PRIM2: variants seen among roughly 807,000 people sequenced by gnomAD.
The protein encoded by PRIM2 is DNA primase subunit 2, also known as DNA primase large subunit.
PRIM2 carries 39 observed loss-of-function variants against 67.3 expected under a neutral mutation model. The observed-to-expected ratio is 0.58, with a 90% confidence interval of 0.45 to 0.76. The LOEUF is 0.76. PRIM2 is among the 30% of genes least tolerant of loss of function. The pLI is 0.00. For missense variants in PRIM2, 398 were observed against 598.7 expected (o/e 0.66, Z 3.50); for synonymous variants, 143 against 198.7 (o/e 0.72, Z 2.36).
chr6:57,226,615 T>C, the PRIM2 span, among the ~76,000 whole-genome samples: 124 of 152,336 alleles, frequency 8.1e-4, no homozygotes, highest in Non-Finnish European at 1.7e-3. Context: ...GAGGATTTTT[T>C]AGTGCACAGA....
chr6:57,645,339 A>ACG (rs1777316706), intron 13 of PRIM2, among the ~76,000 whole-genome samples: 1 of 149,658 alleles, frequency 6.7e-6, no homozygotes, highest in African/African-American at 2.5e-5. Flanking sequence ...ACACACACAC[A>ACG]CACACACACA....
chr6:57,606,248 A>G lies in PRIM2; in HGVS notation c.1148-127A>G, dbSNP rs1293999652. Reference sequence around the variant, plus strand: ...AGGAAAGCAGTTGCACCCATGGGCAATTACCTTTTTTTATTAATAAGCTGT... The same window carrying G: ...AGGAAAGCAGTTGCACCCATGGGCAGTTACCTTTTTTTATTAATAAGCTGT... On this transcript the variant is annotated intron_variant, in intron 11 of 13. Transcript: ENST00000615550. The G allele has an allele frequency of 5.1e-5, 35 of 691,256 alleles. No homozygotes were observed. In the South Asian group the frequency reaches 5.7e-4, roughly 11 times the overall value. The allele number at this position is 691,256 out of a possible 1,614,324, so 42.8% of individuals were successfully genotyped here. A position where few individuals can be genotyped will look rare whatever the true frequency, so the allele number is the denominator to read the frequency against.
chr6:57,492,554 AT>A (rs1175780084), intron 7 of PRIM2, among the ~76,000 whole-genome samples: 3,240 of 150,462 alleles, frequency 0.022, 99 homozygotes, highest in African/African-American at 0.067. Flanking sequence ...AAAAAAAAAA[AT>A]AAATAAATAA....
At chr6:57,322,623 G>A (rs4715653) in intron 3 of PRIM2, among the ~76,000 whole-genome samples, 62,558 of 151,926 alleles carry the variant, frequency 0.41, 13,643 homozygotes, top group South Asian at 0.56. Flanking sequence ...GTTTCCTGAG[G>A]TCTCCCCAGC....
chr6:57,569,987 C>T (rs2127481134), intron 10 of PRIM2, among the ~76,000 whole-genome samples: 1 of 152,272 alleles, frequency 6.6e-6, no homozygotes, highest in East Asian at 1.9e-4. Flanking sequence ...CATGATCCGC[C>T]CGCCTTGGCC....
intron 10 of PRIM2, among the ~76,000 whole-genome samples, chr6:57,574,279 A>C (rs1775921227): frequency 6.6e-6 from 1 of 152,190 alleles, no homozygotes; most frequent in African/African-American, 2.4e-5. Flanking sequence ...AGACCTCTAG[A>C]GGGTACTTAA....
chr6:57,617,255 T>G (rs1476072832), intron 12 of PRIM2, among the ~76,000 whole-genome samples: 1 of 152,232 alleles, frequency 6.6e-6, no homozygotes, highest in Non-Finnish European at 1.5e-5. Context: ...CCATCTTTGC[T>G]CTGTGCATTC....
At position 57,388,298 on chromosome 6, in the gene PRIM2, G is replaced by A. The variant is rs9296876; in HGVS notation, c.693+6130G>A. Among the ~76,000 whole-genome samples the A allele has an allele frequency of 7.3e-4, 111 of 152,294 alleles. 2 individuals are homozygous for A. In the East Asian group the frequency reaches 0.019, roughly 26 times the overall value. ...TGGAGGATAAAAAAGGAATGGAAGC[G>A]GGAGGACTAGTCTGGAAGTTTTCAC... On this transcript the variant is annotated intron_variant, in intron 7 of 13. Transcript: ENST00000615550.
intron 8 of PRIM2, among the ~76,000 whole-genome samples, chr6:57,526,482 A>T (rs1470787829): frequency 6.6e-6 from 1 of 152,134 alleles, no homozygotes; most frequent in African/African-American, 2.4e-5. Context: ...TCAAATTCAG[A>T]TTTTTCAAGA....
At chr6:57,498,440 TAATA>T (rs1436066414) in intron 7 of PRIM2, among the ~76,000 whole-genome samples, 7 of 152,198 alleles carry the variant, frequency 4.6e-5, no homozygotes, top group African/African-American at 1.7e-4. Flanking sequence ...TCATTTTACA[TAATA>T]AATAATATTT....
chr6:57,332,343 ATTC>A (rs1768080525), intron 5 of PRIM2, among the ~76,000 whole-genome samples: 1 of 152,064 alleles, frequency 6.6e-6, no homozygotes, highest in Non-Finnish European at 1.5e-5. Context: ...TGTATCTGCT[ATTC>A]TTGGTTGGAG....
chr6:57,249,081 A>G, the PRIM2 span, among the ~76,000 whole-genome samples: 251 of 152,330 alleles, frequency 1.6e-3, no homozygotes, highest in African/African-American at 5.8e-3. Flanking sequence ...CCATGATCAC[A>G]GGACAATTAT....
intron 11 of PRIM2, among the ~76,000 whole-genome samples, chr6:57,604,261 G>T (rs1776522366): frequency 6.6e-6 from 1 of 152,166 alleles, no homozygotes. Flanking sequence ...CCAGGTGACA[G>T]AGTGAGACTC....
chr6:57,609,460 G>C (rs1403356165), intron 12 of PRIM2, among the ~76,000 whole-genome samples: 1 of 152,110 alleles, frequency 6.6e-6, no homozygotes, highest in Non-Finnish European at 1.5e-5. Context: ...AAATGTGATA[G>C]GGAATCTAGA....
chr6:57,255,707 A>G, the PRIM2 span, among the ~76,000 whole-genome samples: 2 of 152,046 alleles, frequency 1.3e-5, no homozygotes, highest in African/African-American at 2.4e-5. Flanking sequence ...ATAATACAGA[A>G]ATTCGTGAAC....
At chr6:57,401,185 G>A (rs1770694747) in intron 7 of PRIM2, among the ~76,000 whole-genome samples, 2 of 152,144 alleles carry the variant, frequency 1.3e-5, no homozygotes, top group African/African-American at 4.8e-5. Flanking sequence ...GGTCATTTGA[G>A]TTATTGGAGT....
At chr6:57,608,378 A>G (rs1373901185) in intron 12 of PRIM2, among the ~76,000 whole-genome samples, 1 of 152,216 alleles carries the variant, frequency 6.6e-6, no homozygotes, top group African/African-American at 2.4e-5. Context: ...GGTGGAAACC[A>G]AAAGCAAGAT....
At chr6:57,239,731 G>A in the PRIM2 span, among the ~76,000 whole-genome samples, 1 of 152,124 alleles carries the variant, frequency 6.6e-6, no homozygotes, top group African/African-American at 2.4e-5. Context: ...GAGCGACAGA[G>A]CAAAACCTTG....
At chr6:57,425,525 T>C (rs1771594812) in intron 7 of PRIM2, among the ~76,000 whole-genome samples, 2 of 152,210 alleles carry the variant, frequency 1.3e-5, no homozygotes, top group Non-Finnish European at 1.5e-5. Flanking sequence ...AATGGAATTA[T>C]TTTAAATTAT....
Sources: allele counts gnomAD v4.1 joint callset (sites outside exome capture counted in the v4.1 genomes callset), GRCh38; gene constraint gnomAD v4.1.1; transcripts MANE v1.5; gene names NCBI Gene and HGNC (gene_info 2026-07-23, HGNC 2026-07-21).